The following ABTB3 variants were observed in gnomAD, a reference collection of about 807,000 sequenced individuals.
ABTB3 encodes the protein ankyrin repeat- and BTB/POZ domain-containing protein 3.
the ABTB3 span, chr12:107,581,001 T>C: frequency 6.4e-7 from 1 of 1,552,232 alleles, no homozygotes; most frequent in East Asian, 2.4e-5. Flanking sequence ...TACTCTGGAA[T>C]TCAGAGGCAG....
chr12:107,465,902 G>T, the ABTB3 span, among the ~76,000 whole-genome samples: 5 of 152,068 alleles, frequency 3.3e-5, no homozygotes, highest in African/African-American at 1.2e-4. Flanking sequence ...CTGCCTCTCG[G>T]GAGTAGTCTT....
the ABTB3 span, among the ~76,000 whole-genome samples, chr12:107,451,013 A>G: frequency 4.6e-5 from 7 of 152,146 alleles, no homozygotes; most frequent in Middle Eastern, 3.4e-3. Flanking sequence ...AAGTATTTCT[A>G]AAGATTCTCA....
chr12:107,656,298 C>CAAA, the ABTB3 span, among the ~76,000 whole-genome samples: 3,417 of 141,248 alleles, frequency 0.024, 136 homozygotes, highest in African/African-American at 0.081. Flanking sequence ...GAGGCTCTGT[C>CAAA]AAAAAAAAAA....
At chr12:107,391,772 GC>G in the ABTB3 span, among the ~76,000 whole-genome samples, 1 of 152,174 alleles carries the variant, frequency 6.6e-6, no homozygotes, top group Admixed American at 6.5e-5. Context: ...GGCATTCTTA[GC>G]CCAAGGTTCA....
At chr12:107,644,062 G>A in the ABTB3 span, among the ~76,000 whole-genome samples, 277 of 152,220 alleles carry the variant, frequency 1.8e-3, no homozygotes, top group African/African-American at 6.2e-3. Flanking sequence ...GCTACTACGT[G>A]TGGCATTATC....
the ABTB3 span, among the ~76,000 whole-genome samples, chr12:107,434,855 C>A: frequency 1.3e-5 from 2 of 151,464 alleles, no homozygotes; most frequent in Non-Finnish European, 2.9e-5. Flanking sequence ...CAGAGCAAGA[C>A]CCTGTTGTCT....
the ABTB3 span, among the ~76,000 whole-genome samples, chr12:107,431,946 A>T: frequency 6.6e-6 from 1 of 152,206 alleles, no homozygotes; most frequent in Non-Finnish European, 1.5e-5. Flanking sequence ...GGAGGGGGTT[A>T]AATGAAGTTT....
chr12:107,408,135 G>A, the ABTB3 span, among the ~76,000 whole-genome samples: 5 of 152,114 alleles, frequency 3.3e-5, no homozygotes, highest in African/African-American at 9.7e-5. Flanking sequence ...CTAAAAATGT[G>A]TGCGGCTTTG....
the ABTB3 span, chr12:107,319,468 G>C: frequency 2.5e-6 from 4 of 1,604,360 alleles, no homozygotes; most frequent in Admixed American, 6.7e-5. Context: ...GCCTGGCCGC[G>C]CACTGTACGG....
At chr12:107,406,563 A>C in the ABTB3 span, among the ~76,000 whole-genome samples, 1 of 152,128 alleles carries the variant, frequency 6.6e-6, no homozygotes, top group Non-Finnish European at 1.5e-5. Context: ...GTGAGCTCAG[A>C]GCATGAGATG....
chr12:107,433,423 T>C, the ABTB3 span, among the ~76,000 whole-genome samples: 4 of 151,592 alleles, frequency 2.6e-5, no homozygotes, highest in African/African-American at 9.7e-5. Flanking sequence ...CAAGCAGCTA[T>C]TGGGAAAAGA....
the ABTB3 span, among the ~76,000 whole-genome samples, chr12:107,341,695 G>T: frequency 5.2e-4 from 79 of 152,286 alleles, 1 homozygote; most frequent in African/African-American, 1.8e-3. Context: ...AGCTGGTATA[G>T]TTTGAATATT....
the ABTB3 span, among the ~76,000 whole-genome samples, chr12:107,602,889 G>A: frequency 6.6e-6 from 1 of 152,176 alleles, no homozygotes; most frequent in Non-Finnish European, 1.5e-5. Context: ...CTAAAGTCAT[G>A]TCCCTGAAGT....
the ABTB3 span, among the ~76,000 whole-genome samples, chr12:107,588,945 A>G: frequency 6.6e-6 from 1 of 152,212 alleles, no homozygotes; most frequent in Non-Finnish European, 1.5e-5. Context: ...AAGGAAGCAG[A>G]GCACTGTGGT....
At chr12:107,652,763 G>A in the ABTB3 span, among the ~76,000 whole-genome samples, 1 of 152,210 alleles carries the variant, frequency 6.6e-6, no homozygotes, top group South Asian at 2.1e-4. Flanking sequence ...CTTCATCAGT[G>A]GGGAGACTGG....
At chr12:107,482,410 T>C in the ABTB3 span, among the ~76,000 whole-genome samples, 1 of 152,188 alleles carries the variant, frequency 6.6e-6, no homozygotes, top group African/African-American at 2.4e-5. Context: ...GATCTCACTT[T>C]GCTCTCTTCA....
At chr12:107,470,547 T>G in the ABTB3 span, among the ~76,000 whole-genome samples, 8 of 152,278 alleles carry the variant, frequency 5.3e-5, no homozygotes, top group East Asian at 7.7e-4. Flanking sequence ...AGGGTCACGG[T>G]GTGGGCAGTG....
the ABTB3 span, among the ~76,000 whole-genome samples, chr12:107,611,676 G>T: frequency 6.6e-6 from 1 of 152,104 alleles, no homozygotes; most frequent in Non-Finnish European, 1.5e-5. Flanking sequence ...GCAAATAGTG[G>T]CTCAAACACA....
the ABTB3 span, among the ~76,000 whole-genome samples, chr12:107,466,363 G>A: frequency 1.1e-4 from 16 of 152,106 alleles, no homozygotes; most frequent in Non-Finnish European, 1.9e-4. Flanking sequence ...CGTGAGGTAG[G>A]GGACCAGGCT....
Sources: gnomAD v4.1 joint callset for allele counts (sites outside exome capture counted in the v4.1 genomes callset) on GRCh38, gnomAD v4.1.1 for gene constraint, MANE v1.5 for transcripts, NCBI Gene and HGNC (gene_info 2026-07-23, HGNC 2026-07-21) for gene names.